Variants in RNF34 observed in about 807,000 individuals in gnomAD.
The protein encoded by RNF34 is E3 ubiquitin-protein ligase RNF34.
A neutral mutation model predicts 37.9 loss-of-function variants in RNF34; 12 were observed. That is an observed-to-expected ratio of 0.32 (90% CI 0.20 to 0.51). RNF34 has a LOEUF of 0.51. RNF34 is among the 20% of genes least tolerant of loss of function. RNF34 has a pLI of 0.97. For synonymous variants in RNF34, 155 were observed against 177.2 expected (o/e 0.87, Z 1.00); for missense variants, 362 against 472.7 (o/e 0.77, Z 2.17).
intron 1 of RNF34, among the ~76,000 whole-genome samples, chr12:121,415,054 C>A (rs1398863997): frequency 1.3e-5 from 2 of 151,886 alleles, no homozygotes; most frequent in Non-Finnish European, 2.9e-5. Flanking sequence ...CGAGATCACG[C>A]CATTACACTC....
intron 1 of RNF34, chr12:121,402,756 C>T (rs782619597): frequency 6.2e-7 from 1 of 1,603,052 alleles, no homozygotes; most frequent in Non-Finnish European, 8.5e-7. Context: ...GGGAGTGGTA[C>T]TAAGGATCAA....
intron 1 of RNF34, among the ~76,000 whole-genome samples, chr12:121,405,938 T>G (rs914805110): frequency 1.3e-5 from 2 of 151,422 alleles, no homozygotes. Context: ...GGACTACAAG[T>G]GCCTGCTACC....
At chr12:121,405,959 A>G (rs1421406740) in intron 1 of RNF34, among the ~76,000 whole-genome samples, 1 of 147,902 alleles carries the variant, frequency 6.8e-6, no homozygotes, top group Non-Finnish European at 1.5e-5. Flanking sequence ...ACGTCCAGCT[A>G]ATTTTTTGTA....
chr12:121,416,614 T>C (rs1871597934), intron 2 of RNF34: 1 of 403,620 alleles, frequency 2.5e-6, no homozygotes, highest in Non-Finnish European at 4.5e-6. Context: ...GACCTGTTTG[T>C]ATCATTTTAT....
At chr12:121,402,557 T>A (rs962935245) in intron 1 of RNF34, among the ~76,000 whole-genome samples, 23 of 149,076 alleles carry the variant, frequency 1.5e-4, no homozygotes, top group Middle Eastern at 3.5e-3. Context: ...TATAAGGGAT[T>A]AAAAAAAAAA....
chr12:121,421,176 G>A (rs1872093610), intron 5 of RNF34, among the ~76,000 whole-genome samples: 1 of 151,882 alleles, frequency 6.6e-6, no homozygotes, highest in Non-Finnish European at 1.5e-5. Context: ...TAGCCCAGAT[G>A]TTACATAGTT....
chr12:121,420,450 A>G (rs1161041527), intron 4 of RNF34, 116 bp downstream of exon 4: 29 of 1,554,366 alleles, frequency 1.9e-5, no homozygotes, highest in Non-Finnish European at 2.3e-5. Flanking sequence ...TGAATGTAGG[A>G]CAGTATACTG....
chr12:121,423,425 G>A lies in RNF34; in HGVS notation c.968G>A (p.Ser323Asn). Residue 323 changes from serine (S) to asparagine (N), a missense_variant, in exon 6 of 6, where the codon AGC (serine) becomes AAC (asparagine). Ser to Asn is a conservative substitution (Grantham distance 46). Coordinates refer to ENST00000361234, the MANE Select transcript of RNF34 (RefSeq NM_025126.4). The surrounding 1 kb of genome is among the most constrained non-coding windows in gnomAD (Gnocchi z 4.3). Reference protein sequence around the residue: ...RLQLQDEEDDSLCRICMDAVI... With the variant: ...RLQLQDEEDDNLCRICMDAVI... ...CAGCTGCAGGATGAGGAAGACGACA[G>A]CCTGTGTCGCATCTGCATGGATGCC... 6.2e-7 allele frequency: 1 copy of A among 1,612,580 alleles called. No individual in the cohort carries two copies. The highest frequency in any genetic ancestry group is 2.2e-5 in the East Asian group (1 of 44,802).
intron 1 of RNF34, among the ~76,000 whole-genome samples, chr12:121,414,828 T>C (rs921361610): frequency 6.6e-6 from 1 of 152,216 alleles, no homozygotes; most frequent in South Asian, 2.1e-4. Context: ...GCACGGTGGC[T>C]CATGCCTGTA....
At chr12:121,422,038 G>A (rs1872214323) in intron 5 of RNF34, among the ~76,000 whole-genome samples, 1 of 152,200 alleles carries the variant, frequency 6.6e-6, no homozygotes, top group African/African-American at 2.4e-5. Flanking sequence ...GCTGCTGGCT[G>A]GGAAATGGTT....
At chr12:121,402,248 G>A (rs1870063199) in intron 1 of RNF34, among the ~76,000 whole-genome samples, 1 of 151,882 alleles carries the variant, frequency 6.6e-6, no homozygotes, top group Non-Finnish European at 1.5e-5. Context: ...GAACAGCTTG[G>A]CCAACATAGC....
In RNF34 at chr12:121,423,723, T is replaced by C; in HGVS notation, c.*147T>C. 1.4e-6 allele frequency: 1 copy of C among 724,594 alleles called. No homozygotes were observed. The highest frequency in any genetic ancestry group is 2.9e-5 in the East Asian group (1 of 35,008). 44.9% of individuals were successfully genotyped at this position (724,594 alleles called of 1,614,324 possible). ...TAAGTGGGGACAGAAAGATCCATCC[T>C]GAGTTGTGGAAACATTGGTCCATGC... On this transcript the variant is annotated 3_prime_UTR_variant, in exon 6 of 6. Coordinates refer to ENST00000361234, the MANE Select transcript of RNF34 (RefSeq NM_025126.4). The surrounding 1 kb of genome is among the most constrained non-coding windows in gnomAD (Gnocchi z 4.3).
intron 1 of RNF34, among the ~76,000 whole-genome samples, chr12:121,412,724 C>CTTTTTTT (rs1409875276): frequency 8.2e-6 from 1 of 121,918 alleles, no homozygotes; most frequent in Non-Finnish European, 1.7e-5. Context: ...GATGTTCATG[C>CTTTTTTT]TTTTTTTTTT....
chr12:121,423,632 T>C lies in RNF34; in HGVS notation c.*56T>C. ...CCAAACTTGACCCCCAACATTTCAA[T>C]GCACAGAAGGGACTGGAAAGTTATG... On this transcript the variant is annotated 3_prime_UTR_variant, in exon 6 of 6. Coordinates refer to ENST00000361234, the MANE Select transcript of RNF34 (RefSeq NM_025126.4). This position sits in a 1 kb window ranked among gnomAD's most constrained non-coding sequence, Gnocchi z 4.3. 6.9e-7 allele frequency: 1 copy of C among 1,451,406 alleles called. No individual in the cohort carries two copies. Among genetic ancestry groups the C allele is most frequent in the Non-Finnish European group, 9.5e-7 (1 of 1,048,106 alleles). 89.9% of individuals were successfully genotyped at this position (1,451,406 alleles called of 1,614,324 possible).
chr12:121,400,267 G>T (rs781867072), intron 1 of RNF34, 49 bp downstream of exon 1: 3 of 1,597,460 alleles, frequency 1.9e-6, no homozygotes, highest in East Asian at 4.5e-5. Context: ...ATCCTATCCT[G>T]CCAGGGCACC....
intron 1 of RNF34, chr12:121,409,640 G>A (rs1412201316): frequency 6.6e-6 from 1 of 152,188 alleles, no homozygotes; most frequent in Non-Finnish European, 1.5e-5. Context: ...CTCTGGGCCT[G>A]GGACCCCAGG....
At position 121,424,228 on chromosome 12, in the gene RNF34, G is replaced by A. The variant is rs1317838076; in HGVS notation, c.*652G>A. 6.5e-6 allele frequency: 1 copy of A among 152,686 alleles called. No individual in the cohort carries two copies. The highest frequency in any genetic ancestry group is 1.5e-5 in the Non-Finnish European group (1 of 68,058). 9.5% of individuals were successfully genotyped at this position (152,686 alleles called of 1,614,324 possible). ...GCATCTAGCTTCTTTTATTAGAAGTGTGTGTGCTAAATTCCTTATTAATGT... is the reference window on the plus strand; with the variant it reads ...GCATCTAGCTTCTTTTATTAGAAGTATGTGTGCTAAATTCCTTATTAATGT... On this transcript the variant is annotated 3_prime_UTR_variant, in exon 6 of 6. Coordinates refer to ENST00000361234, the MANE Select transcript of RNF34 (RefSeq NM_025126.4).
At position 121,408,836 on chromosome 12, in the gene RNF34, A is replaced by T. The variant is rs1484291600; in HGVS notation, c.7-7323A>T. Among the ~76,000 whole-genome samples the T allele has an allele frequency of 3.9e-5, 6 of 152,330 alleles. No individual in the cohort carries two copies. In the East Asian group the frequency reaches 1.2e-3, roughly 29 times the overall value. On this transcript the variant is annotated intron_variant, in intron 1 of 5. Coordinates refer to ENST00000361234, the MANE Select transcript of RNF34 (RefSeq NM_025126.4). ...AACGTGCAGAGGAGTTAAGGTGGGA[A>T]ATAAAAGTTGGGGCCCAAAGGCAAA...
rs997396121 is a variant in RNF34 at position 121,400,192 on chromosome 12, C to G, written c.-21C>G. The G allele has an allele frequency of 6.2e-7, 1 of 1,608,050 alleles. No individual in the cohort carries two copies. Among genetic ancestry groups the G allele is most frequent in the Non-Finnish European group, 8.5e-7 (1 of 1,178,644 alleles). ...TGCTGAGTTTCCTGGTAGAGCCGGCCGAGCTGAGGCGGTCGCGGCCATGAA... is the reference window on the plus strand; with the variant it reads ...TGCTGAGTTTCCTGGTAGAGCCGGCGGAGCTGAGGCGGTCGCGGCCATGAA... On this transcript the variant is annotated 5_prime_UTR_variant, in exon 1 of 6. Transcript: ENST00000361234.
Sources: allele counts gnomAD v4.1 joint callset (sites outside exome capture counted in the v4.1 genomes callset), GRCh38; gene constraint gnomAD v4.1.1; non-coding constraint Gnocchi (gnomAD v3.1); transcripts MANE v1.5; gene names NCBI Gene and HGNC (gene_info 2026-07-23, HGNC 2026-07-21).